The following HS3ST5 variants were observed in gnomAD, a reference collection of about 807,000 sequenced individuals.
HS3ST5 encodes the protein heparan sulfate-glucosamine 3-sulfotransferase 5, also known as heparan sulfate glucosamine 3-O-sulfotransferase 5.
In HS3ST5, 10 loss-of-function variants were observed where a neutral mutation model predicts 25.4. That is an observed-to-expected ratio of 0.39 (90% CI 0.24 to 0.67). The LOEUF (loss-of-function observed/expected upper bound fraction) is 0.67, where lower values mean the gene tolerates loss of function less well. Among genes scored for constraint, HS3ST5 ranks in the 30% least tolerant of loss-of-function variants. The pLI, the probability that HS3ST5 is intolerant of heterozygous loss-of-function variation, is 0.44. For synonymous variants in HS3ST5, 170 were observed against 162.4 expected (o/e 1.05, Z -0.36); for missense variants, 324 against 420.7 (o/e 0.77, Z 2.01).
intron 1 of HS3ST5, among the ~76,000 whole-genome samples, chr6:114,278,570 C>G (rs1441758615): frequency 6.8e-6 from 1 of 146,820 alleles, no homozygotes; most frequent in Non-Finnish European, 1.5e-5. Context: ...AAGTGAGGGA[C>G]CATGAACTCA....
chr6:114,095,098 A>G (rs1045168002), intron 3 of HS3ST5, among the ~76,000 whole-genome samples: 2 of 152,192 alleles, frequency 1.3e-5, no homozygotes, highest in Admixed American at 6.5e-5. Context: ...CTCATGCCCC[A>G]TAGGATTGAT....
At chr6:114,121,947 G>T (rs1242265278) in intron 3 of HS3ST5, among the ~76,000 whole-genome samples, 1 of 152,220 alleles carries the variant, frequency 6.6e-6, no homozygotes, top group Non-Finnish European at 1.5e-5. Context: ...CCTTCTTCCT[G>T]CTGGAAGTCC....
At chr6:114,100,157 A>G (rs1272307647) in intron 3 of HS3ST5, among the ~76,000 whole-genome samples, 1 of 152,212 alleles carries the variant, frequency 6.6e-6, no homozygotes, top group Non-Finnish European at 1.5e-5. Context: ...TGAAGCCTAC[A>G]TGTGTGTTAC....
At chr6:114,256,741 A>C (rs1237040699) in intron 1 of HS3ST5, among the ~76,000 whole-genome samples, 1 of 152,132 alleles carries the variant, frequency 6.6e-6, no homozygotes, top group Non-Finnish European at 1.5e-5. Context: ...TGAGCCCTCC[A>C]AACTGTTCCA....
rs748605223 is a variant in HS3ST5, at chr6:114,221,996, T to C, written c.-145+6589A>G. ...AAGTATCTCAAGTATGAATATCAAA[T>C]GTAGAGAAGCTGATTATTAAACAAA... On this transcript the variant is annotated intron_variant, in intron 2 of 4. Coordinates refer to ENST00000312719, the MANE Select transcript of HS3ST5 (RefSeq NM_153612.4). Among the ~76,000 whole-genome samples the C allele has an allele frequency of 6.5e-4, 98 of 151,226 alleles. 2 individuals carry two copies. The highest frequency in any genetic ancestry group is 2.0e-4 in the Admixed American group (3 of 15,130).
At chr6:114,152,209 AC>A (rs1388874789) in intron 3 of HS3ST5, among the ~76,000 whole-genome samples, 1 of 152,154 alleles carries the variant, frequency 6.6e-6, no homozygotes. Flanking sequence ...GCCATGAGCC[AC>A]CGTGCCAGGC....
chr6:114,092,817 A>ACTT (rs1775201234), intron 3 of HS3ST5, among the ~76,000 whole-genome samples: 1 of 151,792 alleles, frequency 6.6e-6, no homozygotes, highest in South Asian at 2.1e-4. Context: ...GTAGGATTAC[A>ACTT]GGCACATACC....
intron 1 of HS3ST5, among the ~76,000 whole-genome samples, chr6:114,329,476 T>C (rs1042306448): frequency 7.2e-5 from 11 of 152,186 alleles, no homozygotes; most frequent in Non-Finnish European, 1.2e-4. Context: ...CCACAGAGGC[T>C]GGCACTGATT....
At chr6:114,134,518 A>T (rs984621251) in intron 3 of HS3ST5, among the ~76,000 whole-genome samples, 3 of 152,202 alleles carry the variant, frequency 2.0e-5, no homozygotes, top group Non-Finnish European at 4.4e-5. Context: ...CTGCACAGGA[A>T]GCAGGACCTG....
intron 1 of HS3ST5, among the ~76,000 whole-genome samples, chr6:114,302,337 A>G (rs1029225633): frequency 2.6e-5 from 4 of 152,236 alleles, no homozygotes; most frequent in Non-Finnish European, 4.4e-5. Context: ...GATCACTAGA[A>G]TATGGCAGTA....
intron 3 of HS3ST5, chr6:114,084,642 C>A (rs894841387): frequency 2.2e-6 from 2 of 901,058 alleles, no homozygotes; most frequent in African/African-American, 3.3e-5. Flanking sequence ...ACATAAGATG[C>A]CTTAATGAGA....
At chr6:114,339,562 G>A (rs998354089) in intron 1 of HS3ST5, among the ~76,000 whole-genome samples, 1 of 152,016 alleles carries the variant, frequency 6.6e-6, no homozygotes, top group Admixed American at 6.5e-5. Flanking sequence ...CTATGAATGC[G>A]AATTCACTTT....
At chr6:114,323,086 G>A (rs1213670052) in intron 1 of HS3ST5, among the ~76,000 whole-genome samples, 3 of 152,112 alleles carry the variant, frequency 2.0e-5, no homozygotes, top group African/African-American at 4.8e-5. Flanking sequence ...TAGTGGGAGG[G>A]AGAAATGAAT....
At position 114,260,107 on chromosome 6, in the gene HS3ST5, C is replaced by A. The variant is rs148452345; in HGVS notation, c.-338-31329G>T. 5.8e-3 allele frequency among the ~76,000 whole-genome samples: 881 copies of A among 152,068 alleles called. 2 individuals carry two copies. The highest frequency in any genetic ancestry group is 0.02 in the South Asian group (96 of 4,812). ...ATGTAACAAAATTATATTTTGTTGACATATATTTTGATGCTAAGAATCTTA... is the reference window on the plus strand; with the variant it reads ...ATGTAACAAAATTATATTTTGTTGAAATATATTTTGATGCTAAGAATCTTA... On this transcript the variant is annotated intron_variant, in intron 1 of 4. Transcript: ENST00000312719.
chr6:114,127,357 A>G (rs1384022642), intron 3 of HS3ST5, among the ~76,000 whole-genome samples: 1 of 152,242 alleles, frequency 6.6e-6, no homozygotes, highest in East Asian at 1.9e-4. Context: ...AGTACTGTCA[A>G]TGGTCAGTGC....
chr6:114,094,317 A>G lies in HS3ST5; in HGVS notation c.-32-31440T>C, dbSNP rs534423900. On this transcript the variant is annotated intron_variant, in intron 3 of 4. Transcript: ENST00000312719. Reference sequence around the variant, plus strand: ...TTCCCTAAATATTTACAACAAGTCAAACTTCACAGTGGATAGGAAAGCAAC... The same window carrying G: ...TTCCCTAAATATTTACAACAAGTCAGACTTCACAGTGGATAGGAAAGCAAC... Among the ~76,000 whole-genome samples, 16 of 152,326 alleles carry G rather than the reference A, an allele frequency of 1.1e-4. No individual in the cohort carries two copies. The East Asian group carries it at 2.1e-3, about 20-fold the overall frequency.
At chr6:114,114,094 T>C (rs1776402205) in intron 3 of HS3ST5, among the ~76,000 whole-genome samples, 1 of 152,186 alleles carries the variant, frequency 6.6e-6, no homozygotes, top group Admixed American at 6.6e-5. Context: ...TTTCTCTGCA[T>C]TTGTTACACA....
At chr6:114,193,339 T>G (rs2114315180) in intron 2 of HS3ST5, among the ~76,000 whole-genome samples, 1 of 152,316 alleles carries the variant, frequency 6.6e-6, no homozygotes, top group East Asian at 1.9e-4. Context: ...TGAGGTGATA[T>G]AGGAACCATA....
At chr6:114,076,895 T>C (rs2114750354) in intron 3 of HS3ST5, among the ~76,000 whole-genome samples, 1 of 152,298 alleles carries the variant, frequency 6.6e-6, no homozygotes, top group East Asian at 1.9e-4. Flanking sequence ...AATTGCTCTA[T>C]CAAATGGCTA....
Sources: gnomAD v4.1 joint callset for allele counts (sites outside exome capture counted in the v4.1 genomes callset) on GRCh38, gnomAD v4.1.1 for gene constraint, MANE v1.5 for transcripts, NCBI Gene and HGNC (gene_info 2026-07-23, HGNC 2026-07-21) for gene names.